Variants in CAST observed in about 807,000 individuals in gnomAD.
CAST encodes calpastatin, also known as MIR583 host.
A neutral mutation model predicts 119.6 loss-of-function variants in CAST; 76 were observed. The observed-to-expected ratio is 0.64, with a 90% CI of 0.53 to 0.77. The LOEUF (loss-of-function observed/expected upper bound fraction) is 0.77, where lower values mean the gene tolerates loss of function less well. Among genes scored for constraint, CAST ranks in the 30% least tolerant of loss-of-function variants. The pLI, the probability that CAST is intolerant of heterozygous loss-of-function variation, is 0.00. For synonymous variants in CAST, 319 were observed against 331.6 expected, an observed-to-expected ratio of 0.96 and a Z score of 0.41; for missense variants, 953 against 946.5, an observed-to-expected ratio of 1.01 and a Z score of -0.09.
the CAST span, among the ~76,000 whole-genome samples, chr5:96,292,636 A>G: frequency 6.6e-6 from 1 of 152,236 alleles, no homozygotes; most frequent in African/African-American, 2.4e-5. Context: ...AATTAATACT[A>G]AAGTTAGGAG....
upstream of CAST, among the ~76,000 whole-genome samples, chr5:96,520,599 C>G (rs1745501216): frequency 6.6e-6 from 1 of 151,688 alleles, no homozygotes; most frequent in South Asian, 2.1e-4. Context: ...GTCTGTGTAC[C>G]TGTGTGTGTC....
the CAST span, among the ~76,000 whole-genome samples, chr5:96,342,335 A>G: frequency 6.6e-6 from 1 of 152,222 alleles, no homozygotes; most frequent in African/African-American, 2.4e-5. Flanking sequence ...TGGTTCCCCA[A>G]CTTTTAGCAC....
the CAST span, among the ~76,000 whole-genome samples, chr5:96,360,287 T>C: frequency 6.6e-6 from 1 of 152,096 alleles, no homozygotes; most frequent in African/African-American, 2.4e-5. Context: ...AACATGCTCC[T>C]TTAGCTCAGA....
the CAST span, among the ~76,000 whole-genome samples, chr5:96,436,569 G>A: frequency 6.6e-6 from 1 of 151,796 alleles, no homozygotes; most frequent in African/African-American, 2.4e-5. Context: ...AAACTTTTTT[G>A]CAAAATTCTA....
the CAST span, among the ~76,000 whole-genome samples, chr5:96,035,645 G>A: frequency 1.3e-5 from 2 of 151,902 alleles, no homozygotes; most frequent in Non-Finnish European, 2.9e-5. Flanking sequence ...TGGGATGAAG[G>A]TGGGAGGAAT....
At chr5:96,353,914 T>C in the CAST span, among the ~76,000 whole-genome samples, 1 of 152,210 alleles carries the variant, frequency 6.6e-6, no homozygotes, top group Admixed American at 6.6e-5. Context: ...CTATATCTCC[T>C]GTTGCTTCTA....
chr5:96,597,089 T>C (rs1335250231), intron 1 of CAST, among the ~76,000 whole-genome samples: 1 of 152,188 alleles, frequency 6.6e-6, no homozygotes, highest in Non-Finnish European at 1.5e-5. Context: ...GGGGACACAG[T>C]TTAGTCCATA....
the CAST span, among the ~76,000 whole-genome samples, chr5:96,448,510 C>T: frequency 6.6e-6 from 1 of 152,142 alleles, no homozygotes; most frequent in Non-Finnish European, 1.5e-5. Flanking sequence ...TTCCGTGCCC[C>T]CTATTGACTG....
chr5:96,587,205 A>G (rs565197376), intron 1 of CAST, among the ~76,000 whole-genome samples: 2 of 152,336 alleles, frequency 1.3e-5, no homozygotes, highest in East Asian at 3.9e-4. Flanking sequence ...ATTTTTTGCC[A>G]TGAAAAGCAA....
the CAST span, among the ~76,000 whole-genome samples, chr5:95,966,443 T>G: frequency 6.6e-6 from 1 of 152,172 alleles, no homozygotes; most frequent in African/African-American, 2.4e-5. Flanking sequence ...ACTTGGGCTG[T>G]GCACTTCCTG....
chr5:96,765,937 G>C, intron 26 of CAST, 116 bp from the exon 27 acceptor site: 3 of 648,892 alleles, frequency 4.6e-6, no homozygotes, highest in Non-Finnish European at 5.6e-6. Flanking sequence ...AATAAAAACA[G>C]ACCATATGTT....
chr5:96,411,596 C>A, the CAST span, among the ~76,000 whole-genome samples: 1 of 152,146 alleles, frequency 6.6e-6, no homozygotes, highest in Admixed American at 6.5e-5. Flanking sequence ...ATTCAACAGG[C>A]ACGTGCAGAG....
the CAST span, chr5:96,425,748 T>G: frequency 1.2e-6 from 1 of 816,656 alleles, no homozygotes; most frequent in Admixed American, 2.0e-5. Flanking sequence ...AAAAAATCCA[T>G]GTTGCAAATG....
the CAST span, among the ~76,000 whole-genome samples, chr5:96,380,060 C>T: frequency 2.6e-5 from 4 of 152,174 alleles, no homozygotes; most frequent in Non-Finnish European, 4.4e-5. Context: ...TTCGCTAACA[C>T]GGCAATTCTT....
At chr5:96,554,813 C>A (rs1172272074) in intron 1 of CAST, among the ~76,000 whole-genome samples, 4 of 152,186 alleles carry the variant, frequency 2.6e-5, no homozygotes, top group Non-Finnish European at 5.9e-5. Context: ...TGCTCATCAT[C>A]ACTGGTCATT....
the CAST span, among the ~76,000 whole-genome samples, chr5:96,387,126 A>G: frequency 0.064 from 9,716 of 152,270 alleles, 963 homozygotes; most frequent in African/African-American, 0.21. Flanking sequence ...TCAATGGCAC[A>G]TAGTTAGAAG....
chr5:96,508,158 G>A, the CAST span, among the ~76,000 whole-genome samples: 1 of 152,024 alleles, frequency 6.6e-6, no homozygotes, highest in African/African-American at 2.4e-5. Context: ...ATTACACCTG[G>A]TGTGTTTTTT....
the CAST span, among the ~76,000 whole-genome samples, chr5:96,360,362 A>T: frequency 6.6e-6 from 1 of 151,838 alleles, no homozygotes; most frequent in African/African-American, 2.4e-5. Flanking sequence ...ATTCTCCACC[A>T]GTTTGTTCCC....
the CAST span, among the ~76,000 whole-genome samples, chr5:96,346,552 G>A: frequency 6.6e-6 from 1 of 152,082 alleles, no homozygotes; most frequent in African/African-American, 2.4e-5. Context: ...TTGACTCCTG[G>A]ATTCGTATAT....
Sources: gnomAD v4.1 joint callset for allele counts (sites outside exome capture counted in the v4.1 genomes callset) on GRCh38, gnomAD v4.1.1 for gene constraint, MANE v1.5 for transcripts, NCBI Gene and HGNC (gene_info 2026-07-23, HGNC 2026-07-21) for gene names.